Variants in TMPRSS9 observed in about 807,000 individuals in gnomAD.
TMPRSS9 encodes the protein transmembrane serine protease 9.
TMPRSS9 carries 113 observed loss-of-function variants against 111.4 expected under a neutral mutation model. The ratio of observed to expected loss-of-function variants is 1.01; its 90% CI spans 0.87 to 1.19. The LOEUF (loss-of-function observed/expected upper bound fraction) is 1.19, where lower values mean the gene tolerates loss of function less well. TMPRSS9 is among the 50% of genes most tolerant of loss of function. The pLI is 0.00. For synonymous variants in TMPRSS9, 805 were observed against 659.1 expected (o/e 1.22, Z -3.39); for missense variants, 1,803 against 1,513.1 (o/e 1.19, Z -3.18).
At position 2,403,909 on chromosome 19, in the gene TMPRSS9, C is replaced by T. The variant is rs146954195; in HGVS notation, c.670+714C>T. On this transcript the variant is annotated intron_variant, in intron 6 of 17. Transcript: ENST00000648592. ...TTGGGAGGCTGAGGCAGGAGAATGG[C>T]GTGAACCCGGGAGGTGGAGCTTGCA... Among the ~76,000 whole-genome samples, 120 of 149,024 alleles carry T rather than the reference C, an allele frequency of 8.1e-4. 1 individual carries two copies. The East Asian group carries it at 0.023, about 28-fold the overall frequency.
intron 4 of TMPRSS9, 123 bp from the exon 6 acceptor site, chr19:2,401,851 AC>A: frequency 1.8e-6 from 1 of 555,332 alleles, no homozygotes; most frequent in Non-Finnish European, 3.0e-6. Context: ...CAAATGATCC[AC>A]CCGCCTCAGC....
intron 1 of TMPRSS9, among the ~76,000 whole-genome samples, chr19:2,361,639 C>T (rs1453385319): frequency 6.6e-6 from 1 of 152,140 alleles, no homozygotes; most frequent in Non-Finnish European, 1.5e-5. Context: ...GACCCACATT[C>T]TGGGAATTAG....
chr19:2,364,838 T>A (rs549449460), intron 1 of TMPRSS9, among the ~76,000 whole-genome samples: 1 of 151,746 alleles, frequency 6.6e-6, no homozygotes, highest in East Asian at 1.9e-4. Flanking sequence ...ACAAAAAAAA[T>A]TAGCCGGGCC....
intron 4 of TMPRSS9, 110 bp from the exon 6 acceptor site, chr19:2,401,864 TC>T (rs1970855968): frequency 1.4e-6 from 1 of 737,816 alleles, no homozygotes; most frequent in Non-Finnish European, 2.0e-6. Flanking sequence ...CGCCTCAGCC[TC>T]CCAAAGTGCT....
chr19:2,396,795 C>A lies in TMPRSS9; in HGVS notation c.270+129C>A, dbSNP rs565278423. 3.7e-6 allele frequency: 5 copies of A among 1,345,354 alleles called. No homozygotes were observed. The African/African-American group carries it at 4.3e-5, about 12-fold the overall frequency. The allele number at this position is 1,345,354 out of a possible 1,614,324, so 83.3% of individuals were successfully genotyped here. On this transcript the variant is annotated intron_variant, in intron 2 of 17. Coordinates refer to ENST00000648592, the Ensembl canonical transcript of TMPRSS9. ...GAAGCTGAGGTGGAGGCTGTGAGAC[C>A]GGGAGGCCAGGCCAGGGGGCGGGCA...
chr19:2,365,479 G>A (rs1970240572), intron 1 of TMPRSS9, among the ~76,000 whole-genome samples: 1 of 152,114 alleles, frequency 6.6e-6, no homozygotes, highest in Admixed American at 6.6e-5. Flanking sequence ...AAATAAGAGA[G>A]GCCATGGCGT....
intron 1 of TMPRSS9, 71 bp from the exon 3 acceptor site, chr19:2,396,468 T>A: frequency 6.7e-7 from 1 of 1,492,946 alleles, no homozygotes; most frequent in South Asian, 1.3e-5. Context: ...GGGCGGGGCC[T>A]GGGTGGCAGC....
At position 2,395,729 on chromosome 19, in the gene TMPRSS9, C is replaced by T. The variant is rs182450243; in HGVS notation, c.143-810C>T. On this transcript the variant is annotated intron_variant, in intron 1 of 17. Coordinates refer to ENST00000648592, the Ensembl canonical transcript of TMPRSS9. The stretch of plus-strand genomic sequence containing the variant: ...AAACTCTGTCTCAAAACAAACAGGC[C>T]GGGTGTGGTGGCTCACGCCTGTAAT... Among the ~76,000 whole-genome samples the T allele has an allele frequency of 2.6e-3, 394 of 151,510 alleles. 4 individuals carry two copies. Among genetic ancestry groups the T allele is most frequent in the African/African-American group, 8.8e-3 (363 of 41,310 alleles).
intron 8 of TMPRSS9, among the ~76,000 whole-genome samples, chr19:2,409,085 C>T (rs992696246): frequency 4.7e-5 from 7 of 150,048 alleles, no homozygotes; most frequent in African/African-American, 1.5e-4. Context: ...TCTGTATTCA[C>T]GAATTCCACT....
exon 14 of TMPRSS9, chr19:2,422,054 G>A: frequency 1.2e-6 from 2 of 1,612,138 alleles, no homozygotes; most frequent in Non-Finnish European, 1.7e-6. Flanking sequence ...CAAGGATGCT[G>A]GCCACCACCA....
chr19:2,391,076 G>GC (rs1226012075), intron 1 of TMPRSS9, among the ~76,000 whole-genome samples: 2,841 of 147,674 alleles, frequency 0.019, 130 homozygotes, highest in African/African-American at 0.064. Context: ...AGGTAGGCAG[G>GC]AAGGAAGGAA....
chr19:2,417,924 G>C (rs1167458133), intron 12 of TMPRSS9, 78 bp from the exon 14 acceptor site: 1 of 1,570,162 alleles, frequency 6.4e-7, no homozygotes, highest in Non-Finnish European at 8.7e-7. Context: ...GCTGCATCTC[G>C]GGGCTGTTAT....
At chr19:2,403,303 G>A in intron 6 of TMPRSS9, 108 bp downstream of exon 7, 1 of 887,916 alleles carries the variant, frequency 1.1e-6, no homozygotes. Flanking sequence ...ACACAGGCCT[G>A]GCATTTATGG....
upstream of TMPRSS9, among the ~76,000 whole-genome samples, chr19:2,388,525 C>T (rs562842354): frequency 6.6e-6 from 1 of 152,210 alleles, no homozygotes. Flanking sequence ...CTGGAGCCCC[C>T]AGAAGGGCCC....
chr19:2,396,816 G>A lies in TMPRSS9; in HGVS notation c.270+150G>A, dbSNP rs1023202889. The A allele has an allele frequency of 9.2e-6, 11 of 1,201,604 alleles. No homozygotes were observed. The African/African-American group carries it at 1.5e-4, about 17-fold the overall frequency. 74.4% of individuals were successfully genotyped at this position (1,201,604 alleles called of 1,614,324 possible). On this transcript the variant is annotated intron_variant, in intron 2 of 17. Coordinates refer to ENST00000648592, the Ensembl canonical transcript of TMPRSS9. Reference sequence around the variant, plus strand: ...AGACCGGGAGGCCAGGCCAGGGGGCGGGCAGGACGAGGCCAGGTGGCCAAG... The same window carrying A: ...AGACCGGGAGGCCAGGCCAGGGGGCAGGCAGGACGAGGCCAGGTGGCCAAG...
chr19:2,421,789 G>T, intron 13 of TMPRSS9, 65 bp from the exon 15 acceptor site: 2 of 1,515,034 alleles, frequency 1.3e-6, no homozygotes, highest in South Asian at 1.3e-5. Flanking sequence ...ACGCAGGAGG[G>T]TATGGCAGTG....
chr19:2,363,797 T>TGCGCGCGCGCGC (rs1568464296), intron 1 of TMPRSS9, among the ~76,000 whole-genome samples: 42 of 130,738 alleles, frequency 3.2e-4, no homozygotes, highest in African/African-American at 9.9e-4. Context: ...TGAGTGTGTG[T>TGCGCGCGCGCGC]GTGTGTGCGT....
upstream of TMPRSS9, among the ~76,000 whole-genome samples, chr19:2,385,872 G>A (rs906116016): frequency 2.0e-5 from 3 of 151,934 alleles, no homozygotes; most frequent in South Asian, 2.1e-4. Flanking sequence ...AAAAGATTAC[G>A]TATCTATTCC....
chr19:2,424,338 G>C, intron 15 of TMPRSS9, 81 bp downstream of exon 16: 1 of 1,258,868 alleles, frequency 7.9e-7, no homozygotes. Flanking sequence ...AACGCACCCT[G>C]ACCCCCTCCT....
Sources: gnomAD v4.1 joint callset for allele counts (sites outside exome capture counted in the v4.1 genomes callset) on GRCh38, gnomAD v4.1.1 for gene constraint, MANE v1.5 for transcripts, NCBI Gene and HGNC (gene_info 2026-07-23, HGNC 2026-07-21) for gene names.